ST6GALNAC3: variants seen among roughly 807,000 people sequenced by gnomAD.
ST6GALNAC3 encodes the protein alpha-N-acetylgalactosaminide alpha-2,6-sialyltransferase 3.
ST6GALNAC3 carries 25 observed loss-of-function variants against 32.7 expected under a neutral mutation model. The observed-to-expected ratio is 0.76, with a 90% CI of 0.56 to 1.07. The LOEUF is 1.07. Among genes scored for constraint, ST6GALNAC3 ranks in the 50% least tolerant of loss-of-function variants. The pLI is 0.00. For missense variants in ST6GALNAC3, 355 were observed against 382.4 expected (o/e 0.93, Z 0.60); for synonymous variants, 129 against 133.1 (o/e 0.97, Z 0.21).
chr1:76,260,973 T>TACACACACAC (rs59946768), intron 1 of ST6GALNAC3, among the ~76,000 whole-genome samples: 174 of 146,272 alleles, frequency 1.2e-3, no homozygotes, highest in Admixed American at 2.3e-3. Flanking sequence ...GAGGTTTTGA[T>TACACACACAC]ACACACACAC....
intron 3 of ST6GALNAC3, among the ~76,000 whole-genome samples, chr1:76,477,518 G>C (rs974670164): frequency 4.6e-5 from 7 of 152,272 alleles, no homozygotes; most frequent in African/African-American, 1.7e-4. Flanking sequence ...GCCTGCACTG[G>C]GGCCTGACTT....
intron 2 of ST6GALNAC3, among the ~76,000 whole-genome samples, chr1:76,342,552 GT>G (rs546991351): frequency 3.1e-4 from 46 of 147,828 alleles, no homozygotes; most frequent in South Asian, 2.4e-3. Context: ...ACTTTTTGAT[GT>G]TTTTTTTTTC....
intron 1 of ST6GALNAC3, among the ~76,000 whole-genome samples, chr1:76,189,148 G>A (rs1286241246): frequency 6.6e-6 from 1 of 152,246 alleles, no homozygotes; most frequent in Non-Finnish European, 1.5e-5. Context: ...AGAATGGAAA[G>A]GGAGCTTCCT....
At chr1:76,171,962 G>A (rs745387853) in intron 1 of ST6GALNAC3, among the ~76,000 whole-genome samples, 32 of 152,132 alleles carry the variant, frequency 2.1e-4, no homozygotes, top group Middle Eastern at 3.4e-3. Flanking sequence ...TGAAAAGGAG[G>A]GACTCCTCCC....
At chr1:76,553,687 T>C (rs2100380251) in intron 3 of ST6GALNAC3, among the ~76,000 whole-genome samples, 1 of 152,262 alleles carries the variant, frequency 6.6e-6, no homozygotes, top group African/African-American at 2.4e-5. Context: ...TTTTTACTCG[T>C]CTTTAGTAAT....
chr1:76,156,833 G>A lies in ST6GALNAC3; in HGVS notation c.18+81949G>A, dbSNP rs563935119. On this transcript the variant is annotated intron_variant, in intron 1 of 4. Transcript: ENST00000328299. ...TGCAAGCTCCGCCTCCCGGGTTCAC[G>A]CCATTCTCCTGCCTCAGCCTCCCAA... Among the ~76,000 whole-genome samples the A allele has an allele frequency of 3.5e-4, 54 of 152,290 alleles. 1 individual carries two copies. In the South Asian group the frequency reaches 0.011, roughly 31 times the overall value.
chr1:76,307,797 A>G, intron 1 of ST6GALNAC3: 1 of 383,200 alleles, frequency 2.6e-6, no homozygotes. Flanking sequence ...ACATATACAT[A>G]TTAATATAGA....
intron 3 of ST6GALNAC3, among the ~76,000 whole-genome samples, chr1:76,563,626 A>C (rs1665377644): frequency 6.6e-6 from 1 of 152,214 alleles, no homozygotes; most frequent in African/African-American, 2.4e-5. Flanking sequence ...ATTTTACATT[A>C]AATTATCATG....
intron 1 of ST6GALNAC3, among the ~76,000 whole-genome samples, chr1:76,298,231 G>A (rs1007760723): frequency 3.9e-5 from 6 of 151,964 alleles, no homozygotes; most frequent in Admixed American, 6.6e-5. Flanking sequence ...TTCAAATAAC[G>A]TATCTTAGTA....
At chr1:76,201,830 A>T (rs1654536687) in intron 1 of ST6GALNAC3, among the ~76,000 whole-genome samples, 1 of 152,156 alleles carries the variant, frequency 6.6e-6, no homozygotes, top group African/African-American at 2.4e-5. Context: ...GACATACAAA[A>T]AGACAAGACT....
intron 1 of ST6GALNAC3, among the ~76,000 whole-genome samples, chr1:76,288,330 A>G (rs964201799): frequency 3.3e-5 from 5 of 152,212 alleles, no homozygotes. Flanking sequence ...AGTGAAAAAA[A>G]TAATGGCTCC....
rs566820889 is a variant in ST6GALNAC3 at position 76,509,797 on chromosome 1, C to T, written c.623+97380C>T. Among the ~76,000 whole-genome samples, 6 of 152,242 alleles carry T rather than the reference C, an allele frequency of 3.9e-5. No individual in the cohort carries two copies. In the South Asian group the frequency reaches 1.2e-3, roughly 32 times the overall value. ...CTGCTTCCATTCTCACATATCTTTTCCTCACATTGCTGTTTCTCTATTTCT... is the reference window on the plus strand; with the variant it reads ...CTGCTTCCATTCTCACATATCTTTTTCTCACATTGCTGTTTCTCTATTTCT... On this transcript the variant is annotated intron_variant, in intron 3 of 4. Transcript: ENST00000328299. This position sits in a 1 kb window ranked among gnomAD's most constrained non-coding sequence, Gnocchi z 5.5.
intron 3 of ST6GALNAC3, among the ~76,000 whole-genome samples, chr1:76,511,661 C>G (rs1164764225): frequency 1.3e-5 from 2 of 152,192 alleles, no homozygotes; most frequent in Non-Finnish European, 2.9e-5. Flanking sequence ...TTCAGCTAAA[C>G]TGAGCAGGAA....
At chr1:76,336,708 C>T (rs542337214) in intron 2 of ST6GALNAC3, among the ~76,000 whole-genome samples, 1 of 152,240 alleles carries the variant, frequency 6.6e-6, no homozygotes, top group South Asian at 2.1e-4. Context: ...GCTGCTCTAC[C>T]CAGCACCTCT....
At chr1:76,116,904 G>A (rs1339680821) in intron 1 of ST6GALNAC3, among the ~76,000 whole-genome samples, 1 of 152,146 alleles carries the variant, frequency 6.6e-6, no homozygotes, top group African/African-American at 2.4e-5. Context: ...ACTCCAGCCT[G>A]GGTGGCAAAG....
chr1:76,612,156 G>A (rs1016783914), intron 3 of ST6GALNAC3, among the ~76,000 whole-genome samples: 1 of 152,068 alleles, frequency 6.6e-6, no homozygotes, highest in Non-Finnish European at 1.5e-5. Flanking sequence ...TATAGAATAT[G>A]CCAACATTTT....
chr1:76,127,499 G>T (rs1649329511), intron 1 of ST6GALNAC3, among the ~76,000 whole-genome samples: 1 of 152,188 alleles, frequency 6.6e-6, no homozygotes. Context: ...TAAATTTCAT[G>T]TGTTAAATGG....
chr1:76,571,885 C>T (rs1420953626), intron 3 of ST6GALNAC3, among the ~76,000 whole-genome samples: 1 of 151,916 alleles, frequency 6.6e-6, no homozygotes, highest in Admixed American at 6.6e-5. Context: ...ATTTAATACC[C>T]TATTAAGAAA....
At chr1:76,563,950 C>T (rs1476680850) in intron 3 of ST6GALNAC3, among the ~76,000 whole-genome samples, 1 of 152,114 alleles carries the variant, frequency 6.6e-6, no homozygotes, top group Non-Finnish European at 1.5e-5. Flanking sequence ...AAGAAGGATC[C>T]ATTAAGCATC....
Sources: allele counts gnomAD v4.1 joint callset (sites outside exome capture counted in the v4.1 genomes callset), GRCh38; gene constraint gnomAD v4.1.1; non-coding constraint Gnocchi (gnomAD v3.1); transcripts MANE v1.5; gene names NCBI Gene and HGNC (gene_info 2026-07-23, HGNC 2026-07-21).